SUSD1: variants seen among roughly 807,000 people sequenced by gnomAD.
The protein encoded by SUSD1 is sushi domain-containing protein 1.
A neutral mutation model predicts 86.9 loss-of-function variants in SUSD1; 65 were observed. The ratio of observed to expected loss-of-function variants is 0.75; its 90% CI spans 0.61 to 0.92. The LOEUF (loss-of-function observed/expected upper bound fraction) is 0.92, where lower values mean the gene tolerates loss of function less well. SUSD1 is among the 40% of genes least tolerant of loss of function. The pLI, the probability that SUSD1 is intolerant of heterozygous loss-of-function variation, is 0.00. For synonymous variants in SUSD1, 346 were observed against 350.0 expected (o/e 0.99, Z 0.13); for missense variants, 850 against 929.7 (o/e 0.91, Z 1.11).
At chr9:112,085,693 G>A (rs1829946737) in intron 10 of SUSD1, among the ~76,000 whole-genome samples, 2 of 152,202 alleles carry the variant, frequency 1.3e-5, no homozygotes, top group South Asian at 4.1e-4. Context: ...AAAAGGGAGT[G>A]GGCTCCAGGT....
At chr9:112,134,480 TA>T (rs549064438) in intron 5 of SUSD1, among the ~76,000 whole-genome samples, 39 of 152,300 alleles carry the variant, frequency 2.6e-4, no homozygotes, top group African/African-American at 9.4e-4. Flanking sequence ...AAAATTCTAA[TA>T]TCCTAAGCAT....
chr9:112,052,577 C>T lies in SUSD1; in HGVS notation c.2110-139G>A, dbSNP rs1589578545. 3.6e-5 allele frequency: 34 copies of T among 933,530 alleles called. No homozygotes were observed. In the East Asian group the frequency reaches 8.7e-4, roughly 24 times the overall value. 57.8% of individuals were successfully genotyped at this position (933,530 alleles called of 1,614,324 possible). A position where few individuals can be genotyped will look rare whatever the true frequency, so the allele number is the denominator to read the frequency against. On this transcript the variant is annotated intron_variant, in intron 14 of 16. Transcript: ENST00000374270. ...ACTAGACCTTTAAAGTCCAATCTAG[C>T]TCTAATATCTTGTGATATCACTAAG...
chr9:112,120,393 AGGGGTAGCT>A (rs1216068573), intron 6 of SUSD1, among the ~76,000 whole-genome samples: 1 of 152,184 alleles, frequency 6.6e-6, no homozygotes, highest in Non-Finnish European at 1.5e-5. Flanking sequence ...AAAAAAGAAG[AGGGGTAGCT>A]GAGCAAGAGC....
intron 5 of SUSD1, among the ~76,000 whole-genome samples, chr9:112,141,546 G>A (rs528346029): frequency 1.3e-5 from 2 of 151,864 alleles, no homozygotes; most frequent in East Asian, 3.9e-4. Context: ...GTGTAGTGGT[G>A]GGTGCCTGTA....
intron 1 of SUSD1, among the ~76,000 whole-genome samples, chr9:112,167,165 T>C (rs1406769362): frequency 2.0e-5 from 3 of 151,988 alleles, no homozygotes; most frequent in African/African-American, 4.8e-5. Flanking sequence ...GGCACAATCA[T>C]GGTTCACTGC....
intron 1 of SUSD1, among the ~76,000 whole-genome samples, chr9:112,170,461 T>G (rs1458175143): frequency 6.6e-6 from 1 of 151,886 alleles, no homozygotes; most frequent in Non-Finnish European, 1.5e-5. Context: ...GTTCTACCCC[T>G]CCTCGCCCAT....
intron 1 of SUSD1, among the ~76,000 whole-genome samples, chr9:112,160,510 C>CTCTA (rs1259252147): frequency 6.6e-6 from 1 of 152,044 alleles, no homozygotes; most frequent in Non-Finnish European, 1.5e-5. Flanking sequence ...CACCACTGCA[C>CTCTA]TCTAGCCTGG....
intron 3 of SUSD1, among the ~76,000 whole-genome samples, chr9:112,147,265 G>A (rs1278466301): frequency 1.3e-5 from 2 of 152,210 alleles, no homozygotes; most frequent in Admixed American, 1.3e-4. Context: ...CCAGCACTTT[G>A]GGAGGCCGAG....
At chr9:112,116,720 C>A (rs1031414949) in intron 6 of SUSD1, among the ~76,000 whole-genome samples, 3 of 152,120 alleles carry the variant, frequency 2.0e-5, no homozygotes, top group African/African-American at 4.8e-5. Flanking sequence ...GGCCCAATGG[C>A]AGAACACTGG....
chr9:112,100,408 G>T (rs1325626107), intron 9 of SUSD1, among the ~76,000 whole-genome samples: 1 of 151,562 alleles, frequency 6.6e-6, no homozygotes, highest in Non-Finnish European at 1.5e-5. Flanking sequence ...GGATGGTCTC[G>T]ATCTCCTGAC....
At chr9:112,170,818 T>A (rs1454611244) in intron 1 of SUSD1, among the ~76,000 whole-genome samples, 1 of 151,932 alleles carries the variant, frequency 6.6e-6, no homozygotes, top group African/African-American at 2.4e-5. Context: ...CAAGCGGCTC[T>A]CCTGCCTCAG....
intron 5 of SUSD1, among the ~76,000 whole-genome samples, chr9:112,135,242 C>G (rs1832212017): frequency 6.6e-6 from 1 of 152,170 alleles, no homozygotes; most frequent in African/African-American, 2.4e-5. Flanking sequence ...CTTTTTGATG[C>G]ATTTTGTATT....
At chr9:112,096,178 A>G (rs1276877149) in intron 10 of SUSD1, among the ~76,000 whole-genome samples, 1 of 152,204 alleles carries the variant, frequency 6.6e-6, no homozygotes, top group Non-Finnish European at 1.5e-5. Flanking sequence ...AGAAGGTAAC[A>G]ACAGGCTTCT....
At chr9:112,129,126 G>A (rs2131704494) in intron 5 of SUSD1, among the ~76,000 whole-genome samples, 1 of 152,312 alleles carries the variant, frequency 6.6e-6, no homozygotes, top group Admixed American at 6.5e-5. Flanking sequence ...TAGGGTCTTG[G>A]ATGGACTTCA....
At chr9:112,149,891 A>G (rs917565462) in intron 2 of SUSD1, among the ~76,000 whole-genome samples, 1 of 152,230 alleles carries the variant, frequency 6.6e-6, no homozygotes, top group Non-Finnish European at 1.5e-5. Flanking sequence ...AGCAGGGCTA[A>G]TGCAGAAGCA....
At chr9:112,075,968 G>A (rs1475383886) in intron 12 of SUSD1, among the ~76,000 whole-genome samples, 2 of 152,184 alleles carry the variant, frequency 1.3e-5, no homozygotes, top group African/African-American at 4.8e-5. Flanking sequence ...GGAACTGCAA[G>A]AAGGCCAGGG....
intron 1 of SUSD1, among the ~76,000 whole-genome samples, chr9:112,160,978 T>C (rs114598453): frequency 0.01 from 1,549 of 152,318 alleles, 30 homozygotes; most frequent in African/African-American, 0.035. Flanking sequence ...TGAGTCCCCA[T>C]ACCTAAATGT....
chr9:112,158,182 G>A (rs1027332453), intron 1 of SUSD1, among the ~76,000 whole-genome samples: 4 of 151,668 alleles, frequency 2.6e-5, no homozygotes, highest in African/African-American at 4.8e-5. Context: ...CATTGTTTCC[G>A]AGCCCCAACC....
At chr9:112,092,515 C>A (rs1023497689) in intron 10 of SUSD1, among the ~76,000 whole-genome samples, 1 of 152,134 alleles carries the variant, frequency 6.6e-6, no homozygotes, top group African/African-American at 2.4e-5. Context: ...AAACTCAAAC[C>A]TAAATTTTAG....
Sources: allele counts gnomAD v4.1 joint callset (sites outside exome capture counted in the v4.1 genomes callset), GRCh38; gene constraint gnomAD v4.1.1; transcripts MANE v1.5; gene names NCBI Gene and HGNC (gene_info 2026-07-23, HGNC 2026-07-21).